WDR70: variants seen among roughly 807,000 people sequenced by gnomAD.
The protein encoded by WDR70 is WD repeat domain 70.
Under a neutral mutation model 88.6 loss-of-function variants are expected in WDR70, and 53 were observed. That is an observed-to-expected ratio of 0.60 (90% CI 0.48 to 0.75). The LOEUF is 0.75. Ranked by LOEUF, WDR70 falls within the 30% of genes least tolerant of loss-of-function variation. WDR70 has a pLI of 0.00. For synonymous variants in WDR70, 280 were observed against 270.0 expected, an observed-to-expected ratio of 1.04 and a Z score of -0.36; for missense variants, 610 against 823.2, an observed-to-expected ratio of 0.74 and a Z score of 3.17.
Position 37,479,885 on chromosome 5 carries a change from TG to T in WDR70, c.739del (p.Val247TyrfsTer9). 1 of 1,614,174 alleles carries T rather than the reference TG, an allele frequency of 6.2e-7. No homozygotes were observed. Among genetic ancestry groups the T allele is most frequent in the Non-Finnish European group, 8.5e-7 (1 of 1,180,016 alleles). On this transcript the variant is annotated frameshift_variant, in exon 8 of 18. Transcript: ENST00000265107. LOFTEE classifies it high-confidence loss of function. ...YSNTGDMILV[V>X]SGSSQAKVID... ...GTAACACAGGAGACATGATTCTTGT[TG>T]TATCTGGAAGCTCTCAGGCCAAGGT... is the stretch of plus-strand genomic sequence containing the variant.
chr5:37,537,906 T>C (rs1741710527), intron 9 of WDR70, among the ~76,000 whole-genome samples: 2 of 152,210 alleles, frequency 1.3e-5, no homozygotes, highest in Admixed American at 1.3e-4. Flanking sequence ...GTAGGTCTAA[T>C]ACTGTAAAGT....
chr5:37,712,286 C>T (rs566345764), intron 13 of WDR70, among the ~76,000 whole-genome samples: 16 of 152,214 alleles, frequency 1.1e-4, no homozygotes, highest in East Asian at 3.9e-4. Flanking sequence ...CCACCGCACC[C>T]GGCCACATTT....
chr5:37,710,691 C>T (rs1183742202), intron 13 of WDR70, among the ~76,000 whole-genome samples: 1 of 152,146 alleles, frequency 6.6e-6, no homozygotes, highest in African/African-American at 2.4e-5. Context: ...GGATCAGTAA[C>T]AGTGCTGTGC....
chr5:37,655,644 C>A (rs574367602), intron 10 of WDR70, among the ~76,000 whole-genome samples: 1 of 151,764 alleles, frequency 6.6e-6, no homozygotes, highest in African/African-American at 2.4e-5. Flanking sequence ...TCTTTTCATT[C>A]TTTTTTCTCT....
At chr5:37,704,018 T>G (rs1283998515) in intron 13 of WDR70, among the ~76,000 whole-genome samples, 2 of 152,336 alleles carry the variant, frequency 1.3e-5, no homozygotes, top group East Asian at 3.9e-4. Flanking sequence ...AGCAAAAAAC[T>G]CCTGTCTCTA....
At chr5:37,389,028 C>G (rs73068464) in intron 3 of WDR70, among the ~76,000 whole-genome samples, 19,216 of 151,622 alleles carry the variant, frequency 0.13, 4,020 homozygotes, top group African/African-American at 0.44. Flanking sequence ...GCTGCCACCC[C>G]CCGAGGTCTG....
rs1444373424 is a variant in WDR70, at chr5:37,753,060, T to C, written c.*487T>C. 2 of 154,244 alleles carry C rather than the reference T, an allele frequency of 1.3e-5. No individual in the cohort carries two copies. The highest frequency in any genetic ancestry group is 3.8e-4 in the East Asian group (2 of 5,246). The allele number at this position is 154,244 out of a possible 1,614,324, so 9.6% of individuals were successfully genotyped here. A position where few individuals can be genotyped will look rare whatever the true frequency, so the allele number is the denominator to read the frequency against. ...CATACTGGGAAAGAGCATTATCTCATTATCCTTCAATAGCAGAATACAGTG... is the reference window on the plus strand; with the variant it reads ...CATACTGGGAAAGAGCATTATCTCACTATCCTTCAATAGCAGAATACAGTG... On this transcript the variant is annotated 3_prime_UTR_variant, in exon 18 of 18. Transcript: ENST00000265107.
intron 17 of WDR70, among the ~76,000 whole-genome samples, chr5:37,729,825 G>C (rs906207956): frequency 6.6e-6 from 1 of 152,096 alleles, no homozygotes; most frequent in Non-Finnish European, 1.5e-5. Context: ...CTTTAAAAGA[G>C]ATTTTCTTAG....
chr5:37,533,466 C>T (rs922782586), intron 9 of WDR70, among the ~76,000 whole-genome samples: 9 of 137,106 alleles, frequency 6.6e-5, no homozygotes, highest in Non-Finnish European at 1.2e-4. Flanking sequence ...ATCACCACCA[C>T]CACCACCACC....
intron 9 of WDR70, among the ~76,000 whole-genome samples, chr5:37,523,408 C>T (rs1346229091): frequency 1.3e-5 from 2 of 152,246 alleles, no homozygotes; most frequent in South Asian, 2.1e-4. Flanking sequence ...AATAGACCTG[C>T]AGCTGAGGGT....
At chr5:37,680,573 G>T (rs1471932332) in intron 10 of WDR70, among the ~76,000 whole-genome samples, 1 of 152,142 alleles carries the variant, frequency 6.6e-6, no homozygotes, top group East Asian at 1.9e-4. Context: ...GTTGATTTTT[G>T]TACATGGTGT....
chr5:37,623,081 G>A (rs575875860), intron 10 of WDR70, among the ~76,000 whole-genome samples: 11 of 151,986 alleles, frequency 7.2e-5, no homozygotes, highest in Middle Eastern at 3.2e-3. Context: ...AAGTTATGGC[G>A]GTATTAAAGA....
At chr5:37,437,698 A>G (rs1005995254) in intron 5 of WDR70, among the ~76,000 whole-genome samples, 3 of 152,166 alleles carry the variant, frequency 2.0e-5, no homozygotes, top group Admixed American at 1.3e-4. Flanking sequence ...TCTTAGGTTT[A>G]TCCTTTTAGA....
intron 17 of WDR70, among the ~76,000 whole-genome samples, chr5:37,733,487 AT>A (rs1333832128): frequency 2.0e-5 from 3 of 151,984 alleles, no homozygotes; most frequent in Non-Finnish European, 4.4e-5. Flanking sequence ...GTATAATTTA[AT>A]TTTCCTCATT....
intron 10 of WDR70, among the ~76,000 whole-genome samples, chr5:37,629,838 C>T (rs946952730): frequency 2.6e-5 from 4 of 152,038 alleles, no homozygotes; most frequent in Non-Finnish European, 4.4e-5. Flanking sequence ...CATGCTTCCT[C>T]GCTTTTTCAT....
chr5:37,673,583 A>ACCTTCCTCCCC (rs1554010663), intron 10 of WDR70, among the ~76,000 whole-genome samples: 1 of 76,230 alleles, frequency 1.3e-5, no homozygotes, highest in African/African-American at 5.4e-5. Context: ...GACTTTTCTT[A>ACCTTCCTCCCC]CCCCCCCCCC....
At chr5:37,460,726 A>G (rs996082935) in intron 7 of WDR70, among the ~76,000 whole-genome samples, 1 of 150,776 alleles carries the variant, frequency 6.6e-6, no homozygotes, top group Non-Finnish European at 1.5e-5. Context: ...TAAAAAATAA[A>G]AACAAAAAGA....
chr5:37,442,670 T>C (rs1467771263), intron 6 of WDR70, among the ~76,000 whole-genome samples: 1 of 152,214 alleles, frequency 6.6e-6, no homozygotes, highest in Non-Finnish European at 1.5e-5. Flanking sequence ...TATAATGTGA[T>C]TAGTCACTTA....
In WDR70 at chr5:37,498,102, G is replaced by A. The variant is rs55848769; in HGVS notation, c.840+18115G>A. ...CTCCCAAAGTCCTGGGATTACAGGC[G>A]TGAGCCACTGCACCCGGCTGGTTGC... On this transcript the variant is annotated intron_variant, in intron 8 of 17. Coordinates refer to ENST00000265107, the MANE Select transcript of WDR70 (RefSeq NM_018034.4). 8.2e-3 allele frequency among the ~76,000 whole-genome samples: 1,242 copies of A among 152,228 alleles called. 19 individuals carry two copies. Among genetic ancestry groups the A allele is most frequent in the African/African-American group, 0.027 (1,136 of 41,530 alleles).
Sources: allele counts gnomAD v4.1 joint callset (sites outside exome capture counted in the v4.1 genomes callset), GRCh38; gene constraint gnomAD v4.1.1; transcripts MANE v1.5; gene names NCBI Gene and HGNC (gene_info 2026-07-23, HGNC 2026-07-21).